Variants in MYO3B observed in about 807,000 individuals in gnomAD.
The protein encoded by MYO3B is myosin IIIB.
MYO3B carries 156 observed loss-of-function variants against 174.6 expected under a neutral mutation model. The ratio of observed to expected loss-of-function variants is 0.89; its 90% confidence interval spans 0.78 to 1.02. The LOEUF (loss-of-function observed/expected upper bound fraction) is 1.02. Ranked by LOEUF, MYO3B falls within the 50% of genes least tolerant of loss-of-function variation. MYO3B has a pLI of 0.00. For synonymous variants in MYO3B, 563 were observed against 569.1 expected (o/e 0.99, Z 0.15); for missense variants, 1,632 against 1,639.4 (o/e 1.00, Z 0.08).
At chr2:170,372,817 T>C (rs2094258689) in intron 9 of MYO3B, among the ~76,000 whole-genome samples, 1 of 151,770 alleles carries the variant, frequency 6.6e-6, no homozygotes, top group Non-Finnish European at 1.5e-5. Flanking sequence ...AAATCAAAGA[T>C]AGTCAAGGAA....
At chr2:170,645,647 A>G (rs375464680) in intron 32 of MYO3B, among the ~76,000 whole-genome samples, 2 of 152,116 alleles carry the variant, frequency 1.3e-5, no homozygotes, top group African/African-American at 4.8e-5. Flanking sequence ...GCCGCTTACA[A>G]ATTTAGCCTT....
chr2:170,337,353 A>G (rs2093952636), intron 8 of MYO3B, among the ~76,000 whole-genome samples: 1 of 152,178 alleles, frequency 6.6e-6, no homozygotes, highest in Admixed American at 6.5e-5. Context: ...GATACCCTTG[A>G]TTGACCTTGT....
At chr2:170,489,741 C>G (rs1196201162) in intron 25 of MYO3B, among the ~76,000 whole-genome samples, 1 of 151,476 alleles carries the variant, frequency 6.6e-6, no homozygotes, top group Non-Finnish European at 1.5e-5. Flanking sequence ...GACAGAATCC[C>G]TTTCTTCCTC....
chr2:170,419,993 G>A (rs554311350), intron 22 of MYO3B, among the ~76,000 whole-genome samples: 3 of 152,134 alleles, frequency 2.0e-5, no homozygotes, highest in African/African-American at 7.2e-5. Flanking sequence ...GACCATCCTG[G>A]CCAACATGGT....
At chr2:170,646,423 G>A (rs899733597) in intron 32 of MYO3B, among the ~76,000 whole-genome samples, 23 of 151,530 alleles carry the variant, frequency 1.5e-4, no homozygotes, top group African/African-American at 4.6e-4. Context: ...GAGACCAAGC[G>A]TCACTCTATT....
intron 25 of MYO3B, among the ~76,000 whole-genome samples, chr2:170,470,589 C>A (rs933538480): frequency 6.6e-6 from 1 of 152,196 alleles, no homozygotes; most frequent in South Asian, 2.1e-4. Flanking sequence ...TTAATGTGGA[C>A]ATATGTTTTC....
intron 7 of MYO3B, among the ~76,000 whole-genome samples, chr2:170,247,838 C>T (rs2093208671): frequency 6.6e-6 from 1 of 152,226 alleles, no homozygotes; most frequent in African/African-American, 2.4e-5. Flanking sequence ...TTTCCTACAA[C>T]AATCACACTG....
chr2:170,349,679 A>C (rs112941914), intron 8 of MYO3B: 13,801 of 151,778 alleles, frequency 0.091, 944 homozygotes, highest in African/African-American at 0.19. Flanking sequence ...GGCACCTGTA[A>C]TCCCAGCTAC....
intron 25 of MYO3B, among the ~76,000 whole-genome samples, chr2:170,485,772 G>A (rs1000136484): frequency 2.0e-5 from 3 of 152,134 alleles, no homozygotes; most frequent in Non-Finnish European, 4.4e-5. Context: ...CAGAGACTCC[G>A]TAAGTCATTT....
intron 8 of MYO3B, chr2:170,344,855 C>T (rs1482357591): frequency 3.3e-5 from 5 of 152,246 alleles, no homozygotes; most frequent in South Asian, 4.2e-4. Context: ...TGTAGGGCCC[C>T]GGGGGGATGA....
chr2:170,333,894 C>T (rs2093929056), intron 7 of MYO3B: 1 of 152,188 alleles, frequency 6.6e-6, no homozygotes, highest in Non-Finnish European at 1.5e-5. Flanking sequence ...GGTTATCTGA[C>T]TGAGGATTAG....
chr2:170,428,283 G>A (rs939720160), intron 22 of MYO3B, among the ~76,000 whole-genome samples: 1 of 152,200 alleles, frequency 6.6e-6, no homozygotes, highest in African/African-American at 2.4e-5. Flanking sequence ...ATTTATCTAA[G>A]CGAGGCTATC....
At chr2:170,553,034 C>A (rs1257581493) in intron 32 of MYO3B, among the ~76,000 whole-genome samples, 1 of 152,164 alleles carries the variant, frequency 6.6e-6, no homozygotes, top group Non-Finnish European at 1.5e-5. Flanking sequence ...AAGCCTCTGC[C>A]TAGATTTCAG....
chr2:170,371,765 G>A (rs1281715068), intron 9 of MYO3B, among the ~76,000 whole-genome samples: 2 of 151,392 alleles, frequency 1.3e-5, no homozygotes, highest in East Asian at 1.9e-4. Context: ...TCATTTTTCT[G>A]CACAGTTATG....
At chr2:170,286,570 A>C (rs759122319) in intron 7 of MYO3B, among the ~76,000 whole-genome samples, 2 of 151,928 alleles carry the variant, frequency 1.3e-5, no homozygotes, top group Non-Finnish European at 2.9e-5. Flanking sequence ...TAATTTTTTT[A>C]TATAAAATTT....
chr2:170,346,373 G>A (rs2094016053), intron 8 of MYO3B: 1 of 152,124 alleles, frequency 6.6e-6, no homozygotes, highest in Non-Finnish European at 1.5e-5. Context: ...AATTCTTCCA[G>A]TTGGTCCAGG....
chr2:170,517,173 G>A (rs974716645), intron 29 of MYO3B, among the ~76,000 whole-genome samples: 1 of 152,250 alleles, frequency 6.6e-6, no homozygotes, highest in Non-Finnish European at 1.5e-5. Flanking sequence ...GGATGGAGGA[G>A]CAGATTCCTT....
chr2:170,217,249 A>G, intron 5 of MYO3B, 70 bp from the exon 6 acceptor site: 1 of 1,397,478 alleles, frequency 7.2e-7, no homozygotes, highest in Non-Finnish European at 1.0e-6. Flanking sequence ...CTTTGTGGAA[A>G]AAGTCTGCCG....
intron 22 of MYO3B, among the ~76,000 whole-genome samples, chr2:170,436,123 T>A (rs2094751685): frequency 6.6e-6 from 1 of 152,202 alleles, no homozygotes; most frequent in Non-Finnish European, 1.5e-5. Flanking sequence ...CCACATAGGA[T>A]ATAAATTCCA....
Sources: allele counts gnomAD v4.1 joint callset (sites outside exome capture counted in the v4.1 genomes callset), GRCh38; gene constraint gnomAD v4.1.1; transcripts MANE v1.5; gene names NCBI Gene and HGNC (gene_info 2026-07-23, HGNC 2026-07-21).